STRN3: variants seen among roughly 807,000 people sequenced by gnomAD.
STRN3 encodes striatin-3.
In STRN3, 29 loss-of-function variants were observed where a neutral mutation model predicts 95.6. The ratio of observed to expected loss-of-function variants is 0.30; its 90% CI spans 0.23 to 0.41. STRN3 has a LOEUF of 0.41. Ranked by LOEUF, STRN3 falls within the 10% of genes least tolerant of loss-of-function variation. The pLI, the probability that STRN3 is intolerant of heterozygous loss-of-function variation, is 1.00. For synonymous variants in STRN3, 331 were observed against 357.6 expected, an observed-to-expected ratio of 0.93 and a Z score of 0.84; for missense variants, 890 against 972.1, an observed-to-expected ratio of 0.92 and a Z score of 1.12.
intron 1 of STRN3, among the ~76,000 whole-genome samples, chr14:30,995,951 C>G (rs1257946844): frequency 6.6e-6 from 1 of 152,138 alleles, no homozygotes; most frequent in Non-Finnish European, 1.5e-5. Context: ...AAAGTGGCCT[C>G]CATCCAATGA....
At chr14:30,924,764 T>C (rs1418577969) in intron 8 of STRN3, among the ~76,000 whole-genome samples, 1 of 152,094 alleles carries the variant, frequency 6.6e-6, no homozygotes, top group Non-Finnish European at 1.5e-5. Flanking sequence ...GTGGAAAGAT[T>C]GCTTGAGCTC....
chr14:30,980,909 A>C (rs1474771673), intron 1 of STRN3, among the ~76,000 whole-genome samples: 1 of 152,038 alleles, frequency 6.6e-6, no homozygotes, highest in Non-Finnish European at 1.5e-5. Flanking sequence ...CAAACATCCA[A>C]GGAATTAAAA....
intron 1 of STRN3, among the ~76,000 whole-genome samples, chr14:30,972,741 C>A (rs571417454): frequency 1.1e-4 from 17 of 152,080 alleles, no homozygotes; most frequent in Non-Finnish European, 1.9e-4. Context: ...AAGAGGTTGA[C>A]GTTACAATGA....
At chr14:30,985,826 T>C (rs1373614103) in intron 1 of STRN3, among the ~76,000 whole-genome samples, 1 of 152,234 alleles carries the variant, frequency 6.6e-6, no homozygotes, top group Non-Finnish European at 1.5e-5. Flanking sequence ...TTTGCTAATA[T>C]CTTAGGCTCA....
Position 31,025,851 on chromosome 14 carries a change from C to T in STRN3, c.282+53G>A, listed in dbSNP as rs1566502817. 6 of 1,562,824 alleles carry T rather than the reference C, an allele frequency of 3.8e-6. No individual in the cohort carries two copies. The Middle Eastern group carries it at 5.4e-4, about 141-fold the overall frequency. ...TGAGTGGAGTCCCCAGCCCCACCCC[C>T]CGGCCGGGAACCCAGCCGCCGCAGC... On this transcript the variant is annotated intron_variant, in intron 1 of 17. Coordinates refer to ENST00000357479, the MANE Select transcript of STRN3 (RefSeq NM_001083893.2).
At chr14:30,907,118 T>TA in intron 13 of STRN3, 74 bp from the exon 14 acceptor site, 1 of 1,529,222 alleles carries the variant, frequency 6.5e-7, no homozygotes, top group South Asian at 1.3e-5. Context: ...AAAGAAAACT[T>TA]ACCATATAAC....
intron 3 of STRN3, among the ~76,000 whole-genome samples, chr14:30,953,288 T>C (rs1383059812): frequency 6.6e-6 from 1 of 152,194 alleles, no homozygotes; most frequent in East Asian, 1.9e-4. Context: ...AAAGCCTTTC[T>C]TGTGCCCTCC....
Position 30,913,550 on chromosome 14 carries a change from T to A in STRN3, c.1348A>T (p.Thr450Ser). The A allele has an allele frequency of 6.2e-7, 1 of 1,612,926 alleles. No homozygotes were observed. Among genetic ancestry groups the A allele is most frequent in the African/African-American group, 1.3e-5 (1 of 75,044 alleles). ...TCATAACTATAGTCTGCATCATTTG[T>A]TACCGTCAAGTCTGCAAGGTCTCCA... ...GLGDLADLTVTNDADYSYDLP... is the reference protein window; with the variant it reads ...GLGDLADLTVSNDADYSYDLP... The change falls in exon 10 of 18, where the codon ACA (threonine) becomes TCA (serine). Residue 450 changes from threonine to serine, a missense_variant. Coordinates refer to ENST00000357479, the MANE Select transcript of STRN3 (RefSeq NM_001083893.2).
intron 12 of STRN3, among the ~76,000 whole-genome samples, chr14:30,911,465 C>A (rs1354624906): frequency 1.3e-5 from 2 of 151,990 alleles, no homozygotes; most frequent in African/African-American, 4.8e-5. Context: ...ACATGCCCAG[C>A]TAATTTTTGT....
At chr14:31,011,875 T>TCG (rs1456774542) in intron 1 of STRN3, among the ~76,000 whole-genome samples, 1 of 150,816 alleles carries the variant, frequency 6.6e-6, no homozygotes, top group Non-Finnish European at 1.5e-5. Flanking sequence ...AGGTCAGGAG[T>TCG]CGGAGACCAG....
At chr14:30,930,843 TAATG>T (rs1878495005) in intron 7 of STRN3, among the ~76,000 whole-genome samples, 1 of 152,176 alleles carries the variant, frequency 6.6e-6, no homozygotes, top group Non-Finnish European at 1.5e-5. Flanking sequence ...GCACTCATCT[TAATG>T]AAGTTAATAA....
intron 1 of STRN3, among the ~76,000 whole-genome samples, chr14:31,019,978 C>T (rs949332566): frequency 4.6e-5 from 7 of 151,796 alleles, no homozygotes; most frequent in African/African-American, 1.7e-4. Flanking sequence ...CCATTTCAAC[C>T]TCCCAAAGCG....
chr14:30,956,146 G>C lies in STRN3; in HGVS notation c.379C>G (p.Gln127Glu). Residue 127 changes from glutamine (Q) to glutamate (E), a missense_variant, in exon 2 of 18, where the codon CAA (glutamine) becomes GAA (glutamate). Gln to Glu is a conservative substitution (Grantham distance 29, BLOSUM62 2). Coordinates refer to ENST00000357479, the MANE Select transcript of STRN3 (RefSeq NM_001083893.2). ...AAAATGAGGCACACATACCTTTCTT[G>C]TTTTAATGCATACTCTAACATCTTT... ...RIKMLEYALK[Q>E]ERAKYHKLKY... 6.2e-7 allele frequency: 1 copy of C among 1,612,866 alleles called. No individual in the cohort carries two copies. The highest frequency in any genetic ancestry group is 8.5e-7 in the Non-Finnish European group (1 of 1,179,200).
At chr14:31,024,486 A>G (rs1178376748) in intron 1 of STRN3, among the ~76,000 whole-genome samples, 1 of 152,212 alleles carries the variant, frequency 6.6e-6, no homozygotes, top group South Asian at 2.1e-4. Flanking sequence ...TTAAAGCCCA[A>G]TATTATATCA....
Position 31,025,804 on chromosome 14 carries a change from C to T in STRN3, c.282+100G>A, listed in dbSNP as rs562514977. 9.7e-5 allele frequency: 145 copies of T among 1,500,470 alleles called. No individual in the cohort carries two copies. The East Asian group carries it at 1.1e-3, about 12-fold the overall frequency. The allele number at this position is 1,500,470 out of a possible 1,614,324, so 92.9% of individuals were successfully genotyped here. A position where few individuals can be genotyped will look rare whatever the true frequency, so the allele number is the denominator to read the frequency against. On this transcript the variant is annotated intron_variant, in intron 1 of 17. Transcript: ENST00000357479. ...GCAGCACAGGTAGGTTCCGCTCGGCCTCCCAAGGCGCCGGCTCCGGCTGAG... is the reference window on the plus strand; with the variant it reads ...GCAGCACAGGTAGGTTCCGCTCGGCTTCCCAAGGCGCCGGCTCCGGCTGAG...
chr14:30,962,343 T>C (rs999142560), intron 1 of STRN3, among the ~76,000 whole-genome samples: 23 of 152,200 alleles, frequency 1.5e-4, no homozygotes, highest in African/African-American at 4.1e-4. Context: ...AAAATGATTA[T>C]GGTAAGCTAT....
chr14:30,962,417 C>A (rs1309552214), intron 1 of STRN3, among the ~76,000 whole-genome samples: 1 of 152,196 alleles, frequency 6.6e-6, no homozygotes, highest in Admixed American at 6.5e-5. Flanking sequence ...ATACAATCTA[C>A]AAGAGAGACA....
At chr14:31,001,001 T>G (rs986620835) in intron 1 of STRN3, among the ~76,000 whole-genome samples, 1 of 152,272 alleles carries the variant, frequency 6.6e-6, no homozygotes, top group South Asian at 2.1e-4. Context: ...TTGTCTCCGT[T>G]AAGTAGGAGT....
intron 8 of STRN3, among the ~76,000 whole-genome samples, chr14:30,925,910 G>A (rs756882501): frequency 1.3e-5 from 2 of 151,840 alleles, no homozygotes; most frequent in Admixed American, 6.6e-5. Flanking sequence ...TAATAACATG[G>A]ACTAGATAAA....
Sources: allele counts gnomAD v4.1 joint callset (sites outside exome capture counted in the v4.1 genomes callset), GRCh38; gene constraint gnomAD v4.1.1; transcripts MANE v1.5; gene names NCBI Gene and HGNC (gene_info 2026-07-23, HGNC 2026-07-21).